The following ZNF723 variants were observed in gnomAD, a reference collection of about 807,000 sequenced individuals.
ZNF723 encodes the protein zinc finger protein 723.
In ZNF723, 5 loss-of-function variants were observed where a neutral mutation model predicts 9.4. That is an observed-to-expected ratio of 0.53 (90% confidence interval 0.28 to 1.12). The LOEUF (loss-of-function observed/expected upper bound fraction) is 1.12, where lower values mean the gene tolerates loss of function less well. Among genes scored for constraint, ZNF723 ranks in the 50% most tolerant of loss-of-function variants. The pLI is 0.10. For missense variants in ZNF723, 450 were observed against 501.5 expected (o/e 0.90, Z 0.98); for synonymous variants, 158 against 168.8 (o/e 0.94, Z 0.49).
the ZNF723 span, among the ~76,000 whole-genome samples, chr19:22,819,633 T>C: frequency 2.6e-5 from 4 of 152,244 alleles, no homozygotes; most frequent in Non-Finnish European, 5.9e-5. Flanking sequence ...ATGGCACTCT[T>C]TTTTACTTTG....
chr19:22,822,597 G>T, the ZNF723 span, among the ~76,000 whole-genome samples: 11 of 151,984 alleles, frequency 7.2e-5, no homozygotes, highest in African/African-American at 2.4e-4. Context: ...GGGCAGTGGC[G>T]CATGCCTGTA....
chr19:22,848,464 A>G lies in ZNF723; in HGVS notation c.130+77A>G, dbSNP rs545015556. On this transcript the variant is annotated intron_variant, in intron 2 of 3. Transcript: ENST00000600766. The stretch of plus-strand genomic sequence containing the variant: ...TTGGTGTTGTAGAATGTTTTTTGGT[A>G]ATTGATGCTTTGCATAAATGAGTTT... The G allele has an allele frequency of 2.9e-4, 323 of 1,113,204 alleles. 4 individuals are homozygous for G. In the South Asian group the frequency reaches 4.5e-3, roughly 15 times the overall value. The allele number at this position is 1,113,204 out of a possible 1,614,324, so 69.0% of individuals were successfully genotyped here. A position where few individuals can be genotyped will look rare whatever the true frequency, so the allele number is the denominator to read the frequency against.
upstream of ZNF723, among the ~76,000 whole-genome samples, chr19:22,829,349 G>A (rs1451351304): frequency 6.6e-6 from 1 of 150,596 alleles, no homozygotes. Flanking sequence ...GCAGCGGCGA[G>A]ATTTCCGTGC....
At chr19:22,852,650 T>C (rs1278541304) in intron 3 of ZNF723, among the ~76,000 whole-genome samples, 1 of 152,194 alleles carries the variant, frequency 6.6e-6, no homozygotes, top group Non-Finnish European at 1.5e-5. Flanking sequence ...TTATTAGGTA[T>C]TATTGTTCAT....
chr19:22,844,436 C>T (rs1349240066), intron 1 of ZNF723, among the ~76,000 whole-genome samples: 2 of 152,134 alleles, frequency 1.3e-5, no homozygotes, highest in African/African-American at 2.4e-5. Flanking sequence ...GGGCCCTTAA[C>T]CTAATGCTGG....
chr19:22,851,463 C>A (rs554872608), intron 3 of ZNF723, among the ~76,000 whole-genome samples: 15 of 152,196 alleles, frequency 9.9e-5, no homozygotes, highest in African/African-American at 3.6e-4. Context: ...TGAGGCACCG[C>A]GCCCAGCCTA....
intron 3 of ZNF723, among the ~76,000 whole-genome samples, chr19:22,851,318 C>G (rs867286132): frequency 1.3e-5 from 2 of 151,762 alleles, no homozygotes; most frequent in Non-Finnish European, 2.9e-5. Context: ...ATTACAGGCA[C>G]GAGCAACCAC....
rs1311351417 is a variant in ZNF723 at position 22,846,979 on chromosome 19, AT to A, written c.4-1277del. ...ATGTGTGTATCAGCACATCATACAA[AT>A]TTTTCCTACTGCTGTTGATGTTTAT... On this transcript the variant is annotated intron_variant, in intron 1 of 3. Coordinates refer to ENST00000600766, the MANE Select transcript of ZNF723 (RefSeq NM_001349726.2). Among the ~76,000 whole-genome samples, 9 of 150,904 alleles carry A rather than the reference AT, an allele frequency of 6.0e-5. No individual in the cohort carries two copies. In the South Asian group the frequency reaches 1.9e-3, roughly 32 times the overall value.
At chr19:22,850,222 T>C (rs905760555) in intron 3 of ZNF723, among the ~76,000 whole-genome samples, 1 of 152,184 alleles carries the variant, frequency 6.6e-6, no homozygotes, top group African/African-American at 2.4e-5. Context: ...GAGGCTTTTT[T>C]TGAGATGGAG....
chr19:22,815,520 C>T, the ZNF723 span, among the ~76,000 whole-genome samples: 2 of 152,244 alleles, frequency 1.3e-5, no homozygotes, highest in South Asian at 2.1e-4. Flanking sequence ...ATGACTCCCG[C>T]GTGGTTTCTG....
intron 1 of ZNF723, among the ~76,000 whole-genome samples, chr19:22,834,535 G>A (rs913082469): frequency 5.3e-5 from 8 of 151,922 alleles, no homozygotes; most frequent in Non-Finnish European, 1.2e-4. Flanking sequence ...CGAAGATACT[G>A]TGTCTATGTC....
intron 1 of ZNF723, among the ~76,000 whole-genome samples, chr19:22,833,753 C>T (rs1967128093): frequency 6.6e-6 from 1 of 151,290 alleles, no homozygotes; most frequent in Non-Finnish European, 1.5e-5. Flanking sequence ...GGATTATAGG[C>T]ACGTGCCACC....
chr19:22,820,340 G>A, the ZNF723 span, among the ~76,000 whole-genome samples: 1 of 152,120 alleles, frequency 6.6e-6, no homozygotes, highest in Non-Finnish European at 1.5e-5. Flanking sequence ...CATATCACTG[G>A]ACTCAGCACC....
upstream of ZNF723, among the ~76,000 whole-genome samples, chr19:22,830,605 CA>C (rs1270057138): frequency 6.6e-6 from 1 of 151,756 alleles, no homozygotes; most frequent in Non-Finnish European, 1.5e-5. Context: ...ATCTATGGGG[CA>C]GCATTGATCA....
chr19:22,848,221 G>T, intron 1 of ZNF723, 40 bp from the exon 2 acceptor site: 2 of 728,112 alleles, frequency 2.7e-6, no homozygotes, highest in Non-Finnish European at 2.2e-6. Context: ...TTGGCCACCC[G>T]GTAAATATGT....
intron 1 of ZNF723, among the ~76,000 whole-genome samples, chr19:22,839,727 G>A (rs988899200): frequency 1.3e-5 from 2 of 151,952 alleles, no homozygotes; most frequent in African/African-American, 2.4e-5. Flanking sequence ...CACCCATCTC[G>A]GCCTCCCAAA....
chr19:22,832,413 A>T, intron 1 of ZNF723, 31 bp downstream of exon 1: 1 of 1,363,388 alleles, frequency 7.3e-7, no homozygotes, highest in Admixed American at 1.7e-5. Context: ...ATCCCGAGAG[A>T]GGGGAAGGGC....
chr19:22,814,511 T>C, the ZNF723 span, among the ~76,000 whole-genome samples: 2 of 152,166 alleles, frequency 1.3e-5, no homozygotes, highest in African/African-American at 4.8e-5. Context: ...AAAGCAAGAT[T>C]CAGGACACCT....
chr19:22,825,813 T>C, the ZNF723 span, among the ~76,000 whole-genome samples: 1 of 152,218 alleles, frequency 6.6e-6, no homozygotes, highest in Non-Finnish European at 1.5e-5. Flanking sequence ...CCCAACATTA[T>C]GATAATGTGA....
Sources: gnomAD v4.1 joint callset for allele counts (sites outside exome capture counted in the v4.1 genomes callset) on GRCh38, gnomAD v4.1.1 for gene constraint, MANE v1.5 for transcripts, NCBI Gene and HGNC (gene_info 2026-07-23, HGNC 2026-07-21) for gene names.